MARCHF1: variants seen among roughly 807,000 people sequenced by gnomAD.
MARCHF1 encodes the protein E3 ubiquitin-protein ligase MARCHF1.
A neutral mutation model predicts 54.2 loss-of-function variants in MARCHF1; 40 were observed. That is an observed-to-expected ratio of 0.74 (90% confidence interval 0.57 to 0.96). MARCHF1 has a LOEUF of 0.96. MARCHF1 is among the 40% of genes least tolerant of loss of function. The pLI, the probability that MARCHF1 is intolerant of heterozygous loss-of-function variation, is 0.00. For missense variants in MARCHF1, 586 were observed against 656.5 expected (o/e 0.89, Z 1.17); for synonymous variants, 236 against 236.3 (o/e 1.00, Z 0.01).
intron 1 of MARCHF1, among the ~76,000 whole-genome samples, chr4:164,195,215 A>G (rs1417865589): frequency 1.3e-5 from 2 of 152,080 alleles, no homozygotes; most frequent in African/African-American, 4.8e-5. Flanking sequence ...TTCTCTCTAC[A>G]AGACCTAGAA....
intron 5 of MARCHF1, among the ~76,000 whole-genome samples, chr4:163,672,198 A>T (rs1311405995): frequency 6.6e-6 from 1 of 152,218 alleles, no homozygotes; most frequent in Non-Finnish European, 1.5e-5. Context: ...TATTCACCCC[A>T]TAGAAACAGT....
chr4:164,066,382 G>T (rs1231782615), intron 2 of MARCHF1, among the ~76,000 whole-genome samples: 1 of 152,172 alleles, frequency 6.6e-6, no homozygotes, highest in Admixed American at 6.5e-5. Context: ...TGCTGGTGAG[G>T]TTGTGGAGAA....
At chr4:164,168,180 G>A (rs547315491) in intron 1 of MARCHF1, among the ~76,000 whole-genome samples, 17 of 151,346 alleles carry the variant, frequency 1.1e-4, no homozygotes, top group African/African-American at 3.9e-4. Context: ...TGTACTGAAC[G>A]TGACTAATAA....
chr4:163,966,123 T>G (rs1252011079), intron 3 of MARCHF1, among the ~76,000 whole-genome samples: 2 of 152,116 alleles, frequency 1.3e-5, no homozygotes, highest in African/African-American at 2.4e-5. Flanking sequence ...TATTTCAATT[T>G]AGGTCTAATT....
intron 2 of MARCHF1, among the ~76,000 whole-genome samples, chr4:164,056,967 G>T (rs188070093): frequency 3.4e-4 from 51 of 152,214 alleles, no homozygotes; most frequent in African/African-American, 1.1e-3. Context: ...TGTGGGCTCT[G>T]GGAAGGTTAC....
At chr4:164,329,172 T>A (rs2110795384) in intron 1 of MARCHF1, among the ~76,000 whole-genome samples, 1 of 152,318 alleles carries the variant, frequency 6.6e-6, no homozygotes, top group South Asian at 2.1e-4. Context: ...CACATTATCA[T>A]CAGAAACTAA....
In MARCHF1 at chr4:163,895,898, A is replaced by AC. The variant is rs1169384931; in HGVS notation, c.-38-41730dup. On this transcript the variant is annotated intron_variant, in intron 3 of 9. Transcript: ENST00000514618. ...TTTGCTCAGTCATGCAGTAAGCATG[A>AC]CCCCCCCACTGCCCCACAATAAACA... Among the ~76,000 whole-genome samples the AC allele has an allele frequency of 1.6e-4, 24 of 151,688 alleles. No individual in the cohort carries two copies. In the South Asian group the frequency reaches 2.7e-3, roughly 17 times the overall value.
intron 1 of MARCHF1, among the ~76,000 whole-genome samples, chr4:164,259,818 C>A (rs1463156304): frequency 6.6e-6 from 1 of 152,150 alleles, no homozygotes; most frequent in East Asian, 1.9e-4. Context: ...GATAGCTCAG[C>A]TCTTTGGGGA....
At position 164,101,274 on chromosome 4, in the gene MARCHF1, G is replaced by A. The variant is rs576883862; in HGVS notation, c.-248+10314C>T. ...GTGGATCCCACCACAGCTCAAGGAG[G>A]CCTGCCTGCCTCTGTAGGCTCCACC... On this transcript the variant is annotated intron_variant, in intron 2 of 9. Coordinates refer to ENST00000514618, the MANE Select transcript of MARCHF1 (RefSeq NM_001394959.1). 2.9e-4 allele frequency among the ~76,000 whole-genome samples: 44 copies of A among 151,782 alleles called. No individual in the cohort carries two copies. The East Asian group carries it at 6.6e-3, about 23-fold the overall frequency.
chr4:163,702,586 G>A (rs17577307), intron 4 of MARCHF1, among the ~76,000 whole-genome samples: 58,310 of 151,968 alleles, frequency 0.38, 12,278 homozygotes, highest in Non-Finnish European at 0.48. Flanking sequence ...TTTTCACACT[G>A]AATGGGACTT....
At chr4:163,702,692 C>T (rs1435809065) in intron 4 of MARCHF1, among the ~76,000 whole-genome samples, 1 of 152,168 alleles carries the variant, frequency 6.6e-6, no homozygotes, top group Admixed American at 6.6e-5. Flanking sequence ...TCCACACTCT[C>T]TACCAGCATC....
chr4:164,074,425 A>T (rs1754932928), intron 2 of MARCHF1, among the ~76,000 whole-genome samples: 1 of 152,218 alleles, frequency 6.6e-6, no homozygotes, highest in Non-Finnish European at 1.5e-5. Context: ...AAAATGTATC[A>T]TATCCTTGAG....
intron 1 of MARCHF1, among the ~76,000 whole-genome samples, chr4:164,271,719 A>G (rs1335031601): frequency 6.6e-6 from 1 of 152,160 alleles, no homozygotes; most frequent in Non-Finnish European, 1.5e-5. Flanking sequence ...AATACTTAAA[A>G]CATTTAGATT....
At chr4:163,960,767 C>T (rs1342343169) in intron 3 of MARCHF1, among the ~76,000 whole-genome samples, 5 of 150,976 alleles carry the variant, frequency 3.3e-5, no homozygotes, top group Admixed American at 6.6e-5. Flanking sequence ...CATGTGTTTA[C>T]CTATATAACA....
intron 2 of MARCHF1, among the ~76,000 whole-genome samples, chr4:164,109,181 G>A (rs1264579953): frequency 6.6e-6 from 1 of 152,002 alleles, no homozygotes; most frequent in African/African-American, 2.4e-5. Flanking sequence ...CCTATTTACA[G>A]AATGTAAAAT....
intron 2 of MARCHF1, among the ~76,000 whole-genome samples, chr4:164,027,266 C>A (rs1166325135): frequency 6.8e-6 from 1 of 147,536 alleles, no homozygotes; most frequent in Non-Finnish European, 1.5e-5. Context: ...AAAAAAGAGC[C>A]CCAATAGCCA....
intron 3 of MARCHF1, among the ~76,000 whole-genome samples, chr4:163,885,968 T>G (rs1750521504): frequency 6.8e-6 from 1 of 147,378 alleles, no homozygotes; most frequent in African/African-American, 2.5e-5. Context: ...TGTATCTATC[T>G]CTCTATATAT....
At chr4:164,051,385 T>C (rs543096552) in intron 2 of MARCHF1, among the ~76,000 whole-genome samples, 4 of 152,308 alleles carry the variant, frequency 2.6e-5, no homozygotes, top group Non-Finnish European at 4.4e-5. Flanking sequence ...GAATACATTA[T>C]ATACAATATG....
At chr4:163,890,960 G>T (rs1750648936) in intron 3 of MARCHF1, among the ~76,000 whole-genome samples, 1 of 151,818 alleles carries the variant, frequency 6.6e-6, no homozygotes, top group African/African-American at 2.4e-5. Flanking sequence ...AGAAAATTGT[G>T]CCAGGATAGT....
Sources: gnomAD v4.1 joint callset for allele counts (sites outside exome capture counted in the v4.1 genomes callset) on GRCh38, gnomAD v4.1.1 for gene constraint, MANE v1.5 for transcripts, NCBI Gene and HGNC (gene_info 2026-07-23, HGNC 2026-07-21) for gene names.